Variants in CDC42BPA observed in about 807,000 individuals in gnomAD.
The protein encoded by CDC42BPA is CDC42 binding protein kinase alpha, also known as serine/threonine-protein kinase MRCK alpha.
CDC42BPA carries 80 observed loss-of-function variants against 223.5 expected under a neutral mutation model. The ratio of observed to expected loss-of-function variants is 0.36; its 90% CI spans 0.30 to 0.43. The LOEUF is 0.43. CDC42BPA is among the 20% of genes least tolerant of loss of function. The pLI is 1.00. For synonymous variants in CDC42BPA, 694 were observed against 718.6 expected (o/e 0.97, Z 0.55); for missense variants, 1,743 against 2,099.9 (o/e 0.83, Z 3.32).
chr1:227,029,232 T>C lies in CDC42BPA; in HGVS notation c.3857A>G (p.Asp1286Gly). 1 of 1,574,844 alleles carries C rather than the reference T, an allele frequency of 6.3e-7. No homozygotes were observed. Among genetic ancestry groups the C allele is most frequent in the Non-Finnish European group, 8.6e-7 (1 of 1,162,588 alleles). The change falls in exon 30 of 37, where the codon GAC (aspartate) becomes GGC (glycine). Residue 1286 changes from aspartate to glycine, a missense_variant. Asp to Gly is a moderately conservative substitution (Grantham distance 94). This residue lies in a region of CDC42BPA where 678 missense variants were observed against 777.5 expected (regional missense o/e 0.87). Transcript: ENST00000366766. Reference sequence around the variant, plus strand: ...TTCAATCTGATGAATCTTCTTATTGTCACCAACTCTAATAATTTCTAAACA... The same window carrying C: ...TTCAATCTGATGAATCTTCTTATTGCCACCAACTCTAATAATTTCTAAACA... ...VTKDEIIRVG[D>G]NKKIHQIELI...
At chr1:227,259,366 A>G (rs538562922) in intron 1 of CDC42BPA, among the ~76,000 whole-genome samples, 1 of 151,234 alleles carries the variant, frequency 6.6e-6, no homozygotes, top group African/African-American at 2.5e-5. Flanking sequence ...TGACTCTAAA[A>G]GCAAAAGAGA....
intron 1 of CDC42BPA, among the ~76,000 whole-genome samples, chr1:227,277,602 T>C (rs943020376): frequency 2.6e-5 from 4 of 152,202 alleles, no homozygotes; most frequent in African/African-American, 4.8e-5. Context: ...CAAACTTCAA[T>C]GTTAATCACC....
intron 3 of CDC42BPA, among the ~76,000 whole-genome samples, chr1:227,207,027 C>T (rs1206359112): frequency 2.0e-5 from 3 of 149,856 alleles, no homozygotes; most frequent in African/African-American, 7.4e-5. Context: ...GTGTGCTGCA[C>T]CCATTAACTC....
At chr1:227,107,824 G>C (rs539663661) in intron 14 of CDC42BPA, among the ~76,000 whole-genome samples, 8 of 152,158 alleles carry the variant, frequency 5.3e-5, no homozygotes, top group African/African-American at 1.9e-4. Flanking sequence ...TGGGTTATTT[G>C]TATCCTTCTA....
intron 3 of CDC42BPA, among the ~76,000 whole-genome samples, chr1:227,208,920 G>A (rs1361091061): frequency 5.9e-5 from 9 of 152,006 alleles, no homozygotes; most frequent in African/African-American, 1.7e-4. Context: ...TATGGGGATG[G>A]CATTGAATCT....
At chr1:227,190,030 G>C (rs1227609497) in intron 5 of CDC42BPA, among the ~76,000 whole-genome samples, 1 of 152,130 alleles carries the variant, frequency 6.6e-6, no homozygotes, top group Non-Finnish European at 1.5e-5. Context: ...TCCATGATAA[G>C]AACCAAAATC....
chr1:227,297,949 T>G (rs1690937725), intron 1 of CDC42BPA, among the ~76,000 whole-genome samples: 1 of 71,308 alleles, frequency 1.4e-5, no homozygotes, highest in Non-Finnish European at 3.0e-5. Flanking sequence ...TATGTGTGTG[T>G]GTGTGTATAT....
intron 11 of CDC42BPA, among the ~76,000 whole-genome samples, chr1:227,127,673 T>C (rs1656117168): frequency 6.6e-6 from 1 of 152,190 alleles, no homozygotes; most frequent in South Asian, 2.1e-4. Flanking sequence ...GTTCCCAATC[T>C]ACAATAACTT....
intron 1 of CDC42BPA, among the ~76,000 whole-genome samples, chr1:227,293,919 G>C (rs1215760730): frequency 6.6e-6 from 1 of 152,148 alleles, no homozygotes; most frequent in Non-Finnish European, 1.5e-5. Context: ...TTTAATCATA[G>C]ATCAGTTTAT....
intron 1 of CDC42BPA, among the ~76,000 whole-genome samples, chr1:227,267,742 G>A (rs1247948399): frequency 1.3e-5 from 2 of 152,106 alleles, no homozygotes; most frequent in East Asian, 3.9e-4. Flanking sequence ...AGCAAGCAAG[G>A]GCAATGCCAC....
chr1:227,307,537 C>CAAACTTTTTG (rs1187475408), intron 1 of CDC42BPA, among the ~76,000 whole-genome samples: 1 of 152,112 alleles, frequency 6.6e-6, no homozygotes, highest in Non-Finnish European at 1.5e-5. Context: ...GTTTCTACAG[C>CAAACTTTTTG]AAACTTTTTG....
intron 2 of CDC42BPA, among the ~76,000 whole-genome samples, chr1:227,214,161 G>T (rs76696609): frequency 8.6e-5 from 13 of 151,554 alleles, no homozygotes; most frequent in Non-Finnish European, 1.9e-4. Context: ...TCTTCAAACT[G>T]CTGTTCAACG....
intron 32 of CDC42BPA, 90 bp from the exon 33 acceptor site, chr1:227,017,140 G>C: frequency 8.6e-7 from 1 of 1,169,584 alleles, no homozygotes; most frequent in Non-Finnish European, 1.2e-6. Flanking sequence ...TACAAACATT[G>C]ATAGTACAAG....
intron 21 of CDC42BPA, chr1:227,059,410 C>T (rs758017331): frequency 9.6e-6 from 15 of 1,562,060 alleles, no homozygotes; most frequent in East Asian, 7.1e-5. Flanking sequence ...GGATGGAGAG[C>T]GCTTCAACAG....
chr1:227,183,507 G>C (rs1346436694), intron 5 of CDC42BPA: 2 of 152,130 alleles, frequency 1.3e-5, no homozygotes, highest in African/African-American at 4.8e-5. Context: ...GGCCCCTCCG[G>C]GTTATTGTAT....
chr1:227,212,404 G>A (rs149051055), intron 3 of CDC42BPA, among the ~76,000 whole-genome samples: 9 of 151,954 alleles, frequency 5.9e-5, no homozygotes, highest in South Asian at 2.1e-4. Flanking sequence ...CAGCCTGCTC[G>A]TCAGTATCAC....
chr1:227,147,300 T>C lies in CDC42BPA; in HGVS notation c.894+59A>G, dbSNP rs552581730. 24 of 1,202,430 alleles carry C rather than the reference T, an allele frequency of 2.0e-5. No homozygotes were observed. In the East Asian group the frequency reaches 5.6e-4, roughly 28 times the overall value. 74.5% of individuals were successfully genotyped at this position (1,202,430 alleles called of 1,614,324 possible). A position where few individuals can be genotyped will look rare whatever the true frequency, so the allele number is the denominator to read the frequency against. On this transcript the variant is annotated intron_variant, in intron 7 of 36. Transcript: ENST00000366766. Reference sequence around the variant, plus strand: ...TAGAAAAATATTTTCTCTTTAAAAATGGTTTTATTATATGTGTTATTTACC... The same window carrying C: ...TAGAAAAATATTTTCTCTTTAAAAACGGTTTTATTATATGTGTTATTTACC...
At chr1:227,225,159 TTAA>T (rs1233590506) in intron 2 of CDC42BPA, among the ~76,000 whole-genome samples, 1 of 152,162 alleles carries the variant, frequency 6.6e-6, no homozygotes, top group Non-Finnish European at 1.5e-5. Flanking sequence ...GTTCATTATA[TTAA>T]TGTTTATAAA....
intron 1 of CDC42BPA, among the ~76,000 whole-genome samples, chr1:227,273,995 C>CAAAAA (rs10599884): frequency 0.074 from 4,195 of 56,996 alleles, 589 homozygotes; most frequent in East Asian, 0.21. Flanking sequence ...TCGTATACAC[C>CAAAAA]AAAAAAAAAA....
Sources: gnomAD v4.1 joint callset for allele counts (sites outside exome capture counted in the v4.1 genomes callset) on GRCh38, gnomAD v4.1.1 for gene constraint, gnomAD v4.1.1 regional missense constraint, MANE v1.5 for transcripts, NCBI Gene and HGNC (gene_info 2026-07-23, HGNC 2026-07-21) for gene names.